The following IL10RB variants were observed in gnomAD, a reference collection of about 807,000 sequenced individuals.
IL10RB encodes the protein interleukin-10 receptor subunit beta.
IL10RB carries 30 observed loss-of-function variants against 38.7 expected under a neutral mutation model. The observed-to-expected ratio is 0.78, with a 90% confidence interval of 0.58 to 1.05. The LOEUF (loss-of-function observed/expected upper bound fraction) is 1.05. Among genes scored for constraint, IL10RB ranks in the 50% least tolerant of loss-of-function variants. The pLI is 0.00. For synonymous variants in IL10RB, 142 were observed against 145.9 expected (o/e 0.97, Z 0.19); for missense variants, 328 against 397.1 (o/e 0.83, Z 1.48).
chr21:33,298,091 A>G (rs1304800916), downstream of IL10RB, among the ~76,000 whole-genome samples: 1 of 152,192 alleles, frequency 6.6e-6, no homozygotes, highest in Non-Finnish European at 1.5e-5. Context: ...GCCTTCCTTC[A>G]AGTGATAGAA....
intron 1 of IL10RB, chr21:33,308,091 T>C (rs575471874): frequency 1.3e-5 from 2 of 152,336 alleles, no homozygotes; most frequent in Admixed American, 6.5e-5. Context: ...CTGCATTGCC[T>C]TCCAGGATTT....
chr21:33,304,464 A>G (rs2082993595), intron 1 of IL10RB, among the ~76,000 whole-genome samples: 1 of 152,158 alleles, frequency 6.6e-6, no homozygotes, highest in South Asian at 2.1e-4. Flanking sequence ...GCCAATATCC[A>G]TCCAGAGATT....
intron 2 of IL10RB, among the ~76,000 whole-genome samples, chr21:33,269,616 A>G (rs1989038285): frequency 2.0e-5 from 3 of 152,178 alleles, no homozygotes; most frequent in Admixed American, 2.0e-4. Flanking sequence ...GTAGAATACA[A>G]AGAATTTCCA....
chr21:33,272,423 A>G (rs1304861900), intron 2 of IL10RB, among the ~76,000 whole-genome samples: 1 of 151,898 alleles, frequency 6.6e-6, no homozygotes. Context: ...TCACTTTTTT[A>G]TTTTATTTTA....
intron 6 of IL10RB, among the ~76,000 whole-genome samples, chr21:33,291,202 C>T (rs1300979722): frequency 2.0e-5 from 3 of 152,176 alleles, no homozygotes; most frequent in Non-Finnish European, 4.4e-5. Context: ...CTTAACTGAT[C>T]CCCTCTGCAG....
chr21:33,274,288 T>G (rs1989132452), intron 2 of IL10RB, among the ~76,000 whole-genome samples: 1 of 152,150 alleles, frequency 6.6e-6, no homozygotes, highest in Non-Finnish European at 1.5e-5. Flanking sequence ...CAGGTTCAAG[T>G]GATTCTCCTG....
chr21:33,304,533 A>C (rs2082993988), intron 1 of IL10RB, among the ~76,000 whole-genome samples: 2 of 152,174 alleles, frequency 1.3e-5, no homozygotes. Flanking sequence ...TTTCTTCAGC[A>C]CCAGCTAACA....
intron 5 of IL10RB, among the ~76,000 whole-genome samples, chr21:33,285,509 C>T (rs911416264): frequency 9.9e-5 from 15 of 152,154 alleles, no homozygotes; most frequent in Non-Finnish European, 1.5e-5. Context: ...CTATGCAGAG[C>T]AGGGTCCTCT....
At position 33,288,138 on chromosome 21, in the gene IL10RB, C is replaced by T. The variant is rs766067976; in HGVS notation, c.681C>T (p.Leu227=). Residue 227 remains leucine, a synonymous_variant, in exon 6 of 7, where the codon CTC becomes CTT. Coordinates refer to ENST00000290200, the MANE Select transcript of IL10RB (RefSeq NM_000628.5). ...CCTCCTGGATGGTGGCCGTCATCCT[C>T]ATGGCCTCGGTCTTCATGGTCTGCC... ...TVPSWMVAVI[L]MASVFMVCLA... is the part of the protein sequence containing the mutation. 3 of 1,614,138 alleles carry T rather than the reference C, an allele frequency of 1.9e-6. No homozygotes were observed. The South Asian group carries it at 3.3e-5, about 18-fold the overall frequency.
chr21:33,303,274 G>A (rs954695562), intron 1 of IL10RB, among the ~76,000 whole-genome samples: 2 of 151,896 alleles, frequency 1.3e-5, no homozygotes, highest in African/African-American at 4.8e-5. Flanking sequence ...CTCTTGACTG[G>A]AGCTCTGTTG....
In IL10RB at chr21:33,283,151, A is replaced by C. The variant is rs1464997227; in HGVS notation, c.556A>C (p.Thr186Pro). 1 of 1,613,808 alleles carries C rather than the reference A, an allele frequency of 6.2e-7. No individual in the cohort carries two copies. The highest frequency in any genetic ancestry group is 1.1e-5 in the South Asian group (1 of 91,076). The change falls in exon 5 of 7, where the codon ACT becomes CCT. Residue 186 changes from threonine (T) to proline (P), a missense_variant. By Grantham distance (38) the Thr-to-Pro change is conservative. Coordinates refer to ENST00000290200, the MANE Select transcript of IL10RB (RefSeq NM_000628.5). ...EVLRNLEPWT[T>P]YCVQVRGFLP... is the part of the protein sequence containing the mutation. ...CCTCAGAAACCTGGAGCCATGGACA[A>C]CTTATTGTGTTCAAGTTCGAGGGTT...
chr21:33,291,752 G>A (rs1039827408), intron 6 of IL10RB, among the ~76,000 whole-genome samples: 1 of 152,146 alleles, frequency 6.6e-6, no homozygotes, highest in Non-Finnish European at 1.5e-5. Context: ...TGCAAGAGTC[G>A]ACGTCATCAG....
At chr21:33,273,047 GA>G (rs1450252339) in intron 2 of IL10RB, among the ~76,000 whole-genome samples, 1 of 152,228 alleles carries the variant, frequency 6.6e-6, no homozygotes, top group Non-Finnish European at 1.5e-5. Flanking sequence ...AACTGGGGTA[GA>G]TTCTGAGAAA....
intron 6 of IL10RB, 96 bp downstream of exon 6, chr21:33,288,357 C>A: frequency 1.9e-6 from 2 of 1,031,860 alleles, no homozygotes; most frequent in Non-Finnish European, 3.0e-6. Context: ...AACATGTTTT[C>A]CAGGAAAACA....
chr21:33,297,634 T>C (rs980648928), downstream of IL10RB, among the ~76,000 whole-genome samples: 6 of 151,762 alleles, frequency 4.0e-5, no homozygotes, highest in Middle Eastern at 6.3e-3. Context: ...CCAGGCAACA[T>C]GGTGAGACCC....
chr21:33,279,057 TAATA>T (rs930209548), intron 3 of IL10RB, among the ~76,000 whole-genome samples: 2 of 152,178 alleles, frequency 1.3e-5, no homozygotes, highest in African/African-American at 4.8e-5. Flanking sequence ...GGAATACAGA[TAATA>T]AATAAATAGA....
At chr21:33,290,667 T>C (rs2409484) in intron 6 of IL10RB, among the ~76,000 whole-genome samples, 61,265 of 152,058 alleles carry the variant, frequency 0.4, 12,726 homozygotes, top group Non-Finnish European at 0.45. Context: ...GGACAATGCC[T>C]TGCCCTCACC....
intron 3 of IL10RB, among the ~76,000 whole-genome samples, chr21:33,277,580 TG>T (rs1989195270): frequency 6.6e-6 from 1 of 151,534 alleles, no homozygotes; most frequent in Admixed American, 6.6e-5. Context: ...CTAGGCATGG[TG>T]GCTCACGTCT....
intron 1 of IL10RB, among the ~76,000 whole-genome samples, chr21:33,307,629 C>T (rs1418930748): frequency 1.3e-5 from 2 of 152,172 alleles, no homozygotes; most frequent in East Asian, 1.9e-4. Flanking sequence ...GCCAGAGACA[C>T]ATCTGTCTCA....
Sources: gnomAD v4.1 joint callset for allele counts (sites outside exome capture counted in the v4.1 genomes callset) on GRCh38, gnomAD v4.1.1 for gene constraint, MANE v1.5 for transcripts, NCBI Gene and HGNC (gene_info 2026-07-23, HGNC 2026-07-21) for gene names.